SEPTIN9: variants seen among roughly 807,000 people sequenced by gnomAD.
SEPTIN9 encodes septin 9, also known as septin-9.
Under a neutral mutation model 56.6 loss-of-function variants are expected in SEPTIN9, and 13 were observed. The ratio of observed to expected loss-of-function variants is 0.23; its 90% CI spans 0.15 to 0.37. The LOEUF (loss-of-function observed/expected upper bound fraction) is 0.37. SEPTIN9 is among the 10% of genes least tolerant of loss of function. The pLI is 1.00. For missense variants in SEPTIN9, 650 were observed against 823.1 expected (o/e 0.79, Z 2.57); for synonymous variants, 332 against 334.1 (o/e 0.99, Z 0.07).
At chr17:77,346,755 G>C (rs1454759883) in intron 2 of SEPTIN9, among the ~76,000 whole-genome samples, 1 of 152,164 alleles carries the variant, frequency 6.6e-6, no homozygotes, top group Non-Finnish European at 1.5e-5. Flanking sequence ...AGAGAATGGT[G>C]TTTGCTATGG....
intron 2 of SEPTIN9, among the ~76,000 whole-genome samples, chr17:77,345,630 G>T (rs1198235760): frequency 6.6e-6 from 1 of 152,158 alleles, no homozygotes; most frequent in Admixed American, 6.5e-5. Context: ...GCTAGAGCTG[G>T]GGTGCTGGAG....
In SEPTIN9 at chr17:77,498,520, C is replaced by A; in HGVS notation, c.1626-3C>A. The A allele has an allele frequency of 6.7e-6, 5 of 751,516 alleles. No individual in the cohort carries two copies. The highest frequency in any genetic ancestry group is 1.8e-5 in the African/African-American group (1 of 54,062). The allele number at this position is 751,516 out of a possible 1,614,324, so 46.6% of individuals were successfully genotyped here. ...CTGACCCGCCCGCCCCCCACCCCCA[C>A]AGGACGCACATGCAGAACATCAAGG... is the stretch of plus-strand genomic sequence containing the variant. On this transcript the variant is annotated splice_polypyrimidine_tract_variant and splice_region_variant and intron_variant, in intron 11 of 11. Transcript: ENST00000427177.
intron 1 of SEPTIN9, among the ~76,000 whole-genome samples, chr17:77,291,978 C>G (rs913470553): frequency 5.9e-5 from 9 of 152,208 alleles, no homozygotes; most frequent in African/African-American, 2.2e-4. Context: ...GGTCCCCCTG[C>G]GAAGGCCCAG....
intron 2 of SEPTIN9, among the ~76,000 whole-genome samples, chr17:77,381,300 C>T (rs2035133600): frequency 2.0e-5 from 3 of 152,220 alleles, no homozygotes; most frequent in African/African-American, 7.2e-5. Flanking sequence ...CTCTCCCCTC[C>T]CCCAGGCAGG....
At chr17:77,498,359 A>G (rs1008526383) in intron 11 of SEPTIN9, among the ~76,000 whole-genome samples, 164 bp from the exon 12 acceptor site, 2 of 149,770 alleles carry the variant, frequency 1.3e-5, no homozygotes, top group African/African-American at 2.5e-5. Context: ...CTGGTCCAAC[A>G]TGGTGGGCCT....
intron 2 of SEPTIN9, among the ~76,000 whole-genome samples, chr17:77,382,518 C>T (rs553786398): frequency 4.6e-5 from 7 of 152,298 alleles, no homozygotes; most frequent in Non-Finnish European, 1.0e-4. Context: ...CTGCTGCGCA[C>T]GAGATCCAGG....
chr17:77,450,895 C>A lies in SEPTIN9; in HGVS notation c.722-31249C>A. The A allele has an allele frequency of 1.3e-6, 1 of 773,548 alleles. No individual in the cohort carries two copies. Among genetic ancestry groups the A allele is most frequent in the Non-Finnish European group, 1.6e-6 (1 of 636,550 alleles). The allele number at this position is 773,548 out of a possible 1,614,324, so 47.9% of individuals were successfully genotyped here. A position where few individuals can be genotyped will look rare whatever the true frequency, so the allele number is the denominator to read the frequency against. On this transcript the variant is annotated intron_variant, in intron 3 of 11. Coordinates refer to ENST00000427177, the MANE Select transcript of SEPTIN9 (RefSeq NM_001113491.2). The surrounding 1 kb of genome is among the most constrained non-coding windows in gnomAD (Gnocchi z 6.0). The stretch of plus-strand genomic sequence containing the variant: ...GGGGACAAACCCAGGTGGCTGTGTT[C>A]CAGCCCTGGCTGCAGGTCTGAATGG...
intron 3 of SEPTIN9, among the ~76,000 whole-genome samples, chr17:77,418,544 T>C (rs2036581808): frequency 6.6e-6 from 1 of 152,148 alleles, no homozygotes; most frequent in Non-Finnish European, 1.5e-5. Flanking sequence ...GTTTTCACCA[T>C]GTTGGCCAGG....
At chr17:77,386,354 C>T (rs956440888) in intron 2 of SEPTIN9, among the ~76,000 whole-genome samples, 1 of 152,124 alleles carries the variant, frequency 6.6e-6, no homozygotes, top group South Asian at 2.1e-4. Context: ...CTGTAGCCCA[C>T]GCTGTCCGGG....
Position 77,285,857 on chromosome 17 carries a change from G to A in SEPTIN9, c.19+4303G>A, listed in dbSNP as rs553642612. 4.0e-3 allele frequency among the ~76,000 whole-genome samples: 610 copies of A among 152,352 alleles called. 2 individuals carry two copies. The highest frequency in any genetic ancestry group is 6.1e-3 in the Non-Finnish European group (416 of 68,024). ...CCGTGATTCAGTGTGCTGGCTCGCC[G>A]TGGTGGACAGGGCTGCACCCTCACC... is the stretch of plus-strand genomic sequence containing the variant. On this transcript the variant is annotated intron_variant, in intron 1 of 11. Coordinates refer to ENST00000427177, the MANE Select transcript of SEPTIN9 (RefSeq NM_001113491.2).
chr17:77,282,563 C>G lies in SEPTIN9; in HGVS notation c.19+1009C>G, dbSNP rs1181256796. On this transcript the variant is annotated intron_variant, in intron 1 of 11. Coordinates refer to ENST00000427177, the MANE Select transcript of SEPTIN9 (RefSeq NM_001113491.2). The stretch of plus-strand genomic sequence containing the variant: ...CATCCCCCTGCCTTTGGGCCATTGT[C>G]GGTTTCCTCTGGCTTTCCATATTTA... 2.6e-5 allele frequency among the ~76,000 whole-genome samples: 4 copies of G among 152,208 alleles called. No individual in the cohort carries two copies. The East Asian group carries it at 7.7e-4, about 29-fold the overall frequency.
At chr17:77,444,968 G>A (rs955524906) in intron 3 of SEPTIN9, 6 of 367,890 alleles carry the variant, frequency 1.6e-5, no homozygotes, top group East Asian at 1.5e-4. Context: ...CATCCTGAAC[G>A]TTCTCCCAGG....
chr17:77,419,638 C>G (rs559157993), intron 3 of SEPTIN9, among the ~76,000 whole-genome samples: 1 of 152,172 alleles, frequency 6.6e-6, no homozygotes, highest in South Asian at 2.1e-4. Context: ...GTCCCTCCCC[C>G]GGTGCTGGTC....
chr17:77,414,572 CTTTTTTTTTT>C (rs559525322), intron 3 of SEPTIN9, among the ~76,000 whole-genome samples: 20 of 123,828 alleles, frequency 1.6e-4, no homozygotes, highest in South Asian at 5.3e-4. Context: ...TGTGTGGATT[CTTTTTTTTTT>C]TTTTTTTTTT....
intron 1 of SEPTIN9, among the ~76,000 whole-genome samples, chr17:77,293,476 G>A: frequency 6.6e-6 from 1 of 152,064 alleles, no homozygotes; most frequent in Admixed American, 6.6e-5. Flanking sequence ...TGAGCATTTA[G>A]AACAGAAGGA....
rs1463476072 is a variant in SEPTIN9, at chr17:77,405,673, C to T, written c.721+2970C>T. Among the ~76,000 whole-genome samples the T allele has an allele frequency of 2.6e-5, 4 of 151,876 alleles. No homozygotes were observed. The highest frequency in any genetic ancestry group is 6.5e-5 in the Admixed American group (1 of 15,270). On this transcript the variant is annotated intron_variant, in intron 3 of 11. Coordinates refer to ENST00000427177, the MANE Select transcript of SEPTIN9 (RefSeq NM_001113491.2). The surrounding 1 kb of genome is among the most constrained non-coding windows in gnomAD (Gnocchi z 5.8). ...CCAATGGAGGAGTGCTCTTGAAATC[C>T]GATGGGAGTGGCTTCTCGGGGGGCC...
At position 77,476,748 on chromosome 17, in the gene SEPTIN9, G is replaced by A. The variant is rs888586664; in HGVS notation, c.722-5396G>A. On this transcript the variant is annotated intron_variant, in intron 3 of 11. Coordinates refer to ENST00000427177, the MANE Select transcript of SEPTIN9 (RefSeq NM_001113491.2). The surrounding 1 kb of genome is among the most constrained non-coding windows in gnomAD (Gnocchi z 6.0). ...AGGTCTCCCGCCACCTGACACCTCC[G>A]CCTGGCTGCCACCCTAGAAACACCC... 2.0e-5 allele frequency among the ~76,000 whole-genome samples: 3 copies of A among 152,178 alleles called. No homozygotes were observed. Among genetic ancestry groups the A allele is most frequent in the Non-Finnish European group, 1.5e-5 (1 of 68,022 alleles).
intron 2 of SEPTIN9, among the ~76,000 whole-genome samples, chr17:77,362,728 G>T (rs181504277): frequency 6.6e-6 from 1 of 152,320 alleles, no homozygotes; most frequent in East Asian, 1.9e-4. Flanking sequence ...TTCGTCACAC[G>T]CTTGTGGCTC....
Position 77,313,590 on chromosome 17 carries a change from C to T in SEPTIN9, c.76+6393C>T, listed in dbSNP as rs2143624931. 6.6e-6 allele frequency among the ~76,000 whole-genome samples: 1 copy of T among 152,166 alleles called. No homozygotes were observed. The highest frequency in any genetic ancestry group is 2.1e-4 in the South Asian group (1 of 4,824). On this transcript the variant is annotated intron_variant, in intron 2 of 11. Coordinates refer to ENST00000427177, the MANE Select transcript of SEPTIN9 (RefSeq NM_001113491.2). This position sits in a 1 kb window ranked among gnomAD's most constrained non-coding sequence, Gnocchi z 4.5. ...CCAGGCTGGGGCCAGCCTGGAGGGT[C>T]TTGGCTGGCTCTGCTGGCAGGTACA...
Sources: gnomAD v4.1 joint callset for allele counts (sites outside exome capture counted in the v4.1 genomes callset) on GRCh38, gnomAD v4.1.1 for gene constraint, Gnocchi (gnomAD v3.1) non-coding constraint, MANE v1.5 for transcripts, NCBI Gene and HGNC (gene_info 2026-07-23, HGNC 2026-07-21) for gene names.